Variants in ASCC1 observed in about 807,000 individuals in gnomAD.
ASCC1 encodes the protein activating signal cointegrator 1 complex subunit 1, also known as ASC-1 complex subunit P50.
Under a neutral mutation model 46.6 loss-of-function variants are expected in ASCC1, and 35 were observed. The observed-to-expected ratio is 0.75, with a 90% CI of 0.57 to 0.99. The LOEUF is 0.99. Among genes scored for constraint, ASCC1 ranks in the 50% least tolerant of loss-of-function variants. The pLI is 0.00. For missense variants in ASCC1, 376 were observed against 428.7 expected, an observed-to-expected ratio of 0.88 and a Z score of 1.09; for synonymous variants, 143 against 146.6, an observed-to-expected ratio of 0.98 and a Z score of 0.18.
intron 5 of ASCC1, chr10:72,190,104 C>T (rs1854186872): frequency 1.3e-6 from 1 of 759,164 alleles, no homozygotes; most frequent in Middle Eastern, 3.1e-4. Context: ...GGCTGCAAGA[C>T]CAAGCAAGGT....
chr10:72,215,081 A>C (rs1858931258), intron 1 of ASCC1, among the ~76,000 whole-genome samples: 1 of 152,236 alleles, frequency 6.6e-6, no homozygotes, highest in Non-Finnish European at 1.5e-5. Context: ...TTCCAAAGAA[A>C]ACAAGTTGAT....
At chr10:72,207,185 G>A (rs545527034) in intron 3 of ASCC1, among the ~76,000 whole-genome samples, 79 of 152,212 alleles carry the variant, frequency 5.2e-4, no homozygotes, top group Non-Finnish European at 1.0e-3. Context: ...GGCGAGGCAG[G>A]CAGATCACCT....
intron 5 of ASCC1, among the ~76,000 whole-genome samples, chr10:72,167,524 C>T (rs10219122): frequency 0.13 from 19,960 of 151,894 alleles, 4,127 homozygotes; most frequent in African/African-American, 0.44. Context: ...GTGGTAATGA[C>T]TGCACAACTC....
chr10:72,171,391 G>A (rs766634575), intron 5 of ASCC1, among the ~76,000 whole-genome samples: 16 of 151,644 alleles, frequency 1.1e-4, no homozygotes, highest in East Asian at 1.9e-4. Context: ...CACTTTAATC[G>A]TCACCTCTCC....
intron 3 of ASCC1, among the ~76,000 whole-genome samples, chr10:72,203,881 A>G (rs1032400188): frequency 6.6e-6 from 1 of 152,044 alleles, no homozygotes; most frequent in African/African-American, 2.4e-5. Flanking sequence ...TACTCAAAAG[A>G]CTGAGGTGGG....
chr10:72,188,411 GC>G (rs1345894637), intron 5 of ASCC1, among the ~76,000 whole-genome samples: 1 of 151,724 alleles, frequency 6.6e-6, no homozygotes, highest in African/African-American at 2.4e-5. Context: ...GAGCCACCAC[GC>G]CCGACCTGGT....
chr10:72,204,354 C>A, intron 3 of ASCC1: 8 of 1,543,216 alleles, frequency 5.2e-6, no homozygotes, highest in Non-Finnish European at 7.0e-6. Context: ...CCCATGAAGA[C>A]GGGACATGAG....
intron 5 of ASCC1, among the ~76,000 whole-genome samples, chr10:72,194,386 GA>G (rs777780737): frequency 8.3e-4 from 123 of 147,786 alleles, no homozygotes; most frequent in Middle Eastern, 3.5e-3. Flanking sequence ...AACCTTAAAA[GA>G]ATGATAACAT....
chr10:72,115,482 A>G (rs1843399005), intron 9 of ASCC1, among the ~76,000 whole-genome samples: 1 of 152,250 alleles, frequency 6.6e-6, no homozygotes, highest in African/African-American at 2.4e-5. Context: ...AAACACAGAG[A>G]TAAGGACAAA....
intron 9 of ASCC1, among the ~76,000 whole-genome samples, chr10:72,111,200 G>GT (rs1842885014): frequency 6.6e-6 from 1 of 151,908 alleles, no homozygotes; most frequent in Non-Finnish European, 1.5e-5. Context: ...TAAGAAATTG[G>GT]TATCAGGCCA....
intron 9 of ASCC1, among the ~76,000 whole-genome samples, chr10:72,117,528 C>A (rs1431222713): frequency 6.6e-6 from 1 of 152,160 alleles, no homozygotes; most frequent in Non-Finnish European, 1.5e-5. Flanking sequence ...TTGCCATTTG[C>A]CAGAGATTTC....
intron 5 of ASCC1, among the ~76,000 whole-genome samples, chr10:72,194,014 T>G (rs987229027): frequency 2.0e-5 from 3 of 151,828 alleles, no homozygotes; most frequent in Admixed American, 2.0e-4. Context: ...TTTTTTTTTT[T>G]TGTATTTTTA....
At chr10:72,155,282 A>T (rs542709614) in intron 6 of ASCC1, among the ~76,000 whole-genome samples, 7 of 152,324 alleles carry the variant, frequency 4.6e-5, no homozygotes, top group Admixed American at 1.3e-4. Context: ...TTAAAATTTT[A>T]AAAAATATCC....
chr10:72,202,515 G>A (rs1008365432), intron 4 of ASCC1, among the ~76,000 whole-genome samples: 2 of 150,770 alleles, frequency 1.3e-5, no homozygotes, highest in Non-Finnish European at 2.9e-5. Flanking sequence ...TTACAGTTTT[G>A]TCCTAACAAT....
chr10:72,161,459 G>A, intron 6 of ASCC1, 79 bp downstream of exon 6: 1 of 1,582,690 alleles, frequency 6.3e-7, no homozygotes, highest in Non-Finnish European at 8.7e-7. Flanking sequence ...ACACCCTCTG[G>A]TTCAAAAACA....
chr10:72,142,368 T>C (rs1847122201), intron 7 of ASCC1, among the ~76,000 whole-genome samples: 1 of 150,552 alleles, frequency 6.6e-6, no homozygotes, highest in Non-Finnish European at 1.5e-5. Flanking sequence ...GATTTCACTT[T>C]TTTTTTTTTT....
At chr10:72,114,178 CATT>C (rs1459509085) in intron 9 of ASCC1, among the ~76,000 whole-genome samples, 1 of 152,192 alleles carries the variant, frequency 6.6e-6, no homozygotes, top group Non-Finnish European at 1.5e-5. Flanking sequence ...AATGTAAGCT[CATT>C]ATTATCTTTA....
rs202208603 is a variant in ASCC1, at chr10:72,133,041, T to A, written c.871+16A>T. Reference sequence around the variant, plus strand: ...CGCTGATCACAAACTGTGCTATAGTTCTCTGGGGGACTTACCATTGGGGTC... The same window carrying A: ...CGCTGATCACAAACTGTGCTATAGTACTCTGGGGGACTTACCATTGGGGTC... On this transcript the variant is annotated intron_variant, in intron 8 of 9. Transcript: ENST00000672957. 1.2e-6 allele frequency: 2 copies of A among 1,614,066 alleles called. No homozygotes were observed. Among genetic ancestry groups the A allele is most frequent in the East Asian group, 4.5e-5 (2 of 44,870 alleles).
At chr10:72,190,467 G>GA (rs1854250292) in intron 5 of ASCC1, 1 of 1,598,588 alleles carries the variant, frequency 6.3e-7, no homozygotes, top group South Asian at 1.1e-5. Flanking sequence ...TCTGCAGGCC[G>GA]AAAGAGCCGT....
Sources: allele counts gnomAD v4.1 joint callset (sites outside exome capture counted in the v4.1 genomes callset), GRCh38; gene constraint gnomAD v4.1.1; transcripts MANE v1.5; gene names NCBI Gene and HGNC (gene_info 2026-07-23, HGNC 2026-07-21).